The following PLXNA4 variants were observed in gnomAD, a reference collection of about 807,000 sequenced individuals.
PLXNA4 encodes the protein plexin A4.
Under a neutral mutation model 191.8 loss-of-function variants are expected in PLXNA4, and 44 were observed. The ratio of observed to expected loss-of-function variants is 0.23; its 90% CI spans 0.18 to 0.29. The LOEUF (loss-of-function observed/expected upper bound fraction) is 0.29. PLXNA4 is among the 10% of genes least tolerant of loss of function. The pLI, the probability that PLXNA4 is intolerant of heterozygous loss-of-function variation, is 1.00. For synonymous variants in PLXNA4, 1,082 were observed against 1,009.5 expected (o/e 1.07, Z -1.36); for missense variants, 1,800 against 2,488.8 (o/e 0.72, Z 5.89).
intron 3 of PLXNA4, among the ~76,000 whole-genome samples, chr7:132,378,671 T>A (rs1428702786): frequency 2.0e-5 from 3 of 152,058 alleles, no homozygotes; most frequent in Non-Finnish European, 4.4e-5. Flanking sequence ...AAAATGAGGT[T>A]CAAAGAAAGA....
chr7:132,336,681 G>A (rs1304116401), intron 3 of PLXNA4, among the ~76,000 whole-genome samples: 1 of 152,170 alleles, frequency 6.6e-6, no homozygotes, highest in Non-Finnish European at 1.5e-5. Context: ...CAGAGACAAG[G>A]GAGCGAATCA....
intron 3 of PLXNA4, among the ~76,000 whole-genome samples, chr7:132,375,143 C>A (rs754365659): frequency 2.6e-4 from 40 of 152,190 alleles, no homozygotes; most frequent in Non-Finnish European, 5.3e-4. Context: ...GATTTTGAGT[C>A]CTACTAGTAG....
At chr7:132,195,612 G>GT (rs112399153) in intron 13 of PLXNA4, among the ~76,000 whole-genome samples, 12 of 152,124 alleles carry the variant, frequency 7.9e-5, no homozygotes, top group African/African-American at 2.9e-4. Context: ...TCCTTTTAAG[G>GT]TTTTTCCAAT....
intron 1 of PLXNA4, among the ~76,000 whole-genome samples, chr7:132,547,272 C>A (rs926088621): frequency 1.3e-5 from 2 of 152,194 alleles, no homozygotes; most frequent in African/African-American, 4.8e-5. Flanking sequence ...CAAATGAAGT[C>A]ACTGTCTCAG....
intron 2 of PLXNA4, among the ~76,000 whole-genome samples, chr7:132,498,345 G>A (rs1214617150): frequency 6.6e-6 from 1 of 152,136 alleles, no homozygotes; most frequent in Non-Finnish European, 1.5e-5. Flanking sequence ...ACATTTCCAC[G>A]TGGCTGGGGA....
chr7:132,371,788 C>T (rs1804450459), intron 3 of PLXNA4, among the ~76,000 whole-genome samples: 1 of 152,178 alleles, frequency 6.6e-6, no homozygotes, highest in Non-Finnish European at 1.5e-5. Flanking sequence ...CCTCCTGACA[C>T]ACAAACACAC....
rs557863884 is a variant in PLXNA4 at position 132,369,458 on chromosome 7, A to T, written c.1372-71236T>A. Among the ~76,000 whole-genome samples the T allele has an allele frequency of 3.3e-5, 5 of 152,226 alleles. No individual in the cohort carries two copies. In the South Asian group the frequency reaches 1.0e-3, roughly 32 times the overall value. ...CTGTTTCTCCACTGCCACCTCAAGA[A>T]GCCTTCCAAGGAGGGCAGACTAATG... On this transcript the variant is annotated intron_variant, in intron 3 of 31. Transcript: ENST00000321063.
intron 3 of PLXNA4, among the ~76,000 whole-genome samples, chr7:132,395,076 A>G (rs1793701343): frequency 6.6e-6 from 1 of 152,234 alleles, no homozygotes; most frequent in Non-Finnish European, 1.5e-5. Flanking sequence ...ATGGGTAGCC[A>G]CCACAGCTGC....
chr7:132,433,344 G>A (rs955738605), intron 3 of PLXNA4, among the ~76,000 whole-genome samples: 1 of 152,150 alleles, frequency 6.6e-6, no homozygotes. Context: ...TGGACAGGAA[G>A]CCTTCTACCC....
At chr7:132,594,957 A>AGATAATT (rs1802674745) in intron 2 of PLXNA4, among the ~76,000 whole-genome samples, 9 of 115,636 alleles carry the variant, frequency 7.8e-5, no homozygotes, top group African/African-American at 9.7e-5. Flanking sequence ...ATAGATAGAT[A>AGATAATT]GATAGATAAT....
intron 3 of PLXNA4, among the ~76,000 whole-genome samples, chr7:132,383,001 TC>T (rs1266274157): frequency 6.6e-6 from 1 of 152,346 alleles, no homozygotes; most frequent in East Asian, 1.9e-4. Flanking sequence ...GCAACGATTT[TC>T]CTTTGTACTT....
chr7:132,604,387 T>TAG (rs1802883548), intron 2 of PLXNA4, among the ~76,000 whole-genome samples: 1 of 152,276 alleles, frequency 6.6e-6, no homozygotes, highest in East Asian at 1.9e-4. Flanking sequence ...GGAGACAGGG[T>TAG]AGATATCATT....
chr7:132,146,971 A>T (rs951915637), intron 27 of PLXNA4, among the ~76,000 whole-genome samples: 3 of 152,128 alleles, frequency 2.0e-5, no homozygotes, highest in African/African-American at 7.2e-5. Flanking sequence ...TAATTATTCA[A>T]TTTGTAAAAA....
intron 3 of PLXNA4, among the ~76,000 whole-genome samples, chr7:132,406,507 G>A (rs1794224400): frequency 6.6e-6 from 1 of 152,112 alleles, no homozygotes; most frequent in South Asian, 2.1e-4. Flanking sequence ...CTGACCACAT[G>A]AATGAAAAGA....
intron 5 of PLXNA4, among the ~76,000 whole-genome samples, chr7:132,239,982 G>C (rs767172984): frequency 6.6e-6 from 1 of 152,166 alleles, no homozygotes; most frequent in Non-Finnish European, 1.5e-5. Context: ...AGATGTATTC[G>C]AGTTTAAGAG....
At chr7:132,291,462 C>T (rs1027846734) in intron 4 of PLXNA4, among the ~76,000 whole-genome samples, 1 of 152,188 alleles carries the variant, frequency 6.6e-6, no homozygotes, top group African/African-American at 2.4e-5. Context: ...AAGGACTTTG[C>T]TTGTATTGTT....
chr7:132,278,200 C>T (rs1800347333), intron 4 of PLXNA4, among the ~76,000 whole-genome samples: 2 of 152,188 alleles, frequency 1.3e-5, no homozygotes, highest in East Asian at 1.9e-4. Flanking sequence ...TTACATACAA[C>T]CTGAATCTCA....
intron 3 of PLXNA4, among the ~76,000 whole-genome samples, chr7:132,361,639 G>T (rs1162070782): frequency 6.6e-6 from 1 of 152,222 alleles, no homozygotes; most frequent in Non-Finnish European, 1.5e-5. Context: ...GGAAAGGTTA[G>T]AGCAGGAACA....
chr7:132,378,913 G>A (rs987536165), intron 3 of PLXNA4, among the ~76,000 whole-genome samples: 20 of 148,088 alleles, frequency 1.4e-4, no homozygotes, highest in African/African-American at 3.8e-4. Flanking sequence ...GTGCAATGGC[G>A]CGATCTTGGC....
Sources: allele counts gnomAD v4.1 joint callset (sites outside exome capture counted in the v4.1 genomes callset), GRCh38; gene constraint gnomAD v4.1.1; transcripts MANE v1.5; gene names NCBI Gene and HGNC (gene_info 2026-07-23, HGNC 2026-07-21).